EXOC6: variants seen among roughly 807,000 people sequenced by gnomAD.
The protein encoded by EXOC6 is exocyst complex component 6.
A neutral mutation model predicts 112.5 loss-of-function variants in EXOC6; 60 were observed. The observed-to-expected ratio is 0.53, with a 90% CI of 0.43 to 0.66. The LOEUF (loss-of-function observed/expected upper bound fraction) is 0.66, where lower values mean the gene tolerates loss of function less well. Among genes scored for constraint, EXOC6 ranks in the 30% least tolerant of loss-of-function variants. The probability of loss-of-function intolerance (pLI) is 0.00; values close to 1 mark genes in which losing one functional copy is unlikely to be tolerated. For synonymous variants in EXOC6, 295 were observed against 308.0 expected (o/e 0.96, Z 0.44); for missense variants, 855 against 957.1 (o/e 0.89, Z 1.41).
At chr10:92,967,675 T>C (rs1589934531) in intron 17 of EXOC6, among the ~76,000 whole-genome samples, 1 of 152,198 alleles carries the variant, frequency 6.6e-6, no homozygotes, top group East Asian at 1.9e-4. Context: ...ATTAGAGGCA[T>C]CCCAAAAAAG....
chr10:92,989,427 T>A (rs1025972435), intron 18 of EXOC6, among the ~76,000 whole-genome samples: 2 of 152,198 alleles, frequency 1.3e-5, no homozygotes, highest in African/African-American at 2.4e-5. Context: ...CAGTACTGAT[T>A]AGAAATATTT....
intron 18 of EXOC6, among the ~76,000 whole-genome samples, chr10:92,979,626 T>C (rs11187233): frequency 0.016 from 2,506 of 152,070 alleles, 43 homozygotes; most frequent in East Asian, 0.067. Context: ...GTTAGATGAG[T>C]GAGAGAATTG....
chr10:92,963,410 G>A (rs896613838), intron 17 of EXOC6, among the ~76,000 whole-genome samples: 21 of 152,028 alleles, frequency 1.4e-4, no homozygotes, highest in Admixed American at 2.6e-4. Flanking sequence ...AACTCTTACA[G>A]TAACCTACCT....
intron 1 of EXOC6, among the ~76,000 whole-genome samples, chr10:92,868,896 C>T (rs1000640024): frequency 2.0e-5 from 3 of 149,224 alleles, no homozygotes; most frequent in Admixed American, 6.7e-5. Flanking sequence ...CACCTTGTAG[C>T]CTCAACCTCC....
intron 2 of EXOC6, among the ~76,000 whole-genome samples, chr10:92,894,196 C>T (rs1759718817): frequency 6.6e-6 from 1 of 152,184 alleles, no homozygotes; most frequent in African/African-American, 2.4e-5. Flanking sequence ...AATGAGGTCA[C>T]TGAGCATCTT....
chr10:92,882,423 A>G (rs1340321056), intron 1 of EXOC6, among the ~76,000 whole-genome samples: 1 of 152,000 alleles, frequency 6.6e-6, no homozygotes, highest in Non-Finnish European at 1.5e-5. Flanking sequence ...AGGTGCCTGT[A>G]ATCCCAGCTA....
intron 20 of EXOC6, among the ~76,000 whole-genome samples, chr10:93,039,175 A>G (rs1332667269): frequency 2.0e-5 from 3 of 152,188 alleles, no homozygotes; most frequent in Non-Finnish European, 2.9e-5. Context: ...GATATTGCTG[A>G]AGGTATTTTT....
At chr10:93,026,241 C>T (rs937389646) in intron 20 of EXOC6, among the ~76,000 whole-genome samples, 14 of 152,084 alleles carry the variant, frequency 9.2e-5, no homozygotes, top group African/African-American at 2.9e-4. Flanking sequence ...CACACATTTC[C>T]GTTTGAGTGT....
At chr10:92,959,946 T>C (rs917487297) in intron 17 of EXOC6, among the ~76,000 whole-genome samples, 1 of 152,210 alleles carries the variant, frequency 6.6e-6, no homozygotes, top group Non-Finnish European at 1.5e-5. Flanking sequence ...TGGAAGACCA[T>C]TTGGCAGCTT....
rs35262709 is a variant in EXOC6, at chr10:92,966,281, AATTATT to A, written c.1774-7748_1774-7743del. ...CGTGGTCTAGAAAGCATGTAATTAT[AATTATT>A]ATTATTATTATTATTATTATTATAC... On this transcript the variant is annotated intron_variant, in intron 17 of 21. Coordinates refer to ENST00000260762, the MANE Select transcript of EXOC6 (RefSeq NM_019053.6). Among the ~76,000 whole-genome samples, 171 of 134,934 alleles carry A rather than the reference AATTATT, an allele frequency of 1.3e-3. 1 individual carries two copies. Among genetic ancestry groups the A allele is most frequent in the African/African-American group, 4.4e-3 (147 of 33,598 alleles). The allele number at this position is 134,934 out of a possible 152,430, so 88.5% of individuals were successfully genotyped here.
intron 18 of EXOC6, among the ~76,000 whole-genome samples, chr10:92,983,663 C>T (rs147464882): frequency 2.0e-5 from 3 of 151,974 alleles, no homozygotes; most frequent in African/African-American, 7.2e-5. Context: ...TGCGCCACCA[C>T]GCCCTACTAA....
intron 18 of EXOC6, among the ~76,000 whole-genome samples, chr10:92,975,455 G>A (rs1354368040): frequency 6.8e-6 from 1 of 147,976 alleles, no homozygotes; most frequent in Non-Finnish European, 1.5e-5. Context: ...CCCGGCAGCC[G>A]CCCCGTCCGG....
intron 1 of EXOC6, among the ~76,000 whole-genome samples, chr10:92,862,442 G>A (rs900112776): frequency 2.0e-5 from 3 of 152,020 alleles, no homozygotes; most frequent in Non-Finnish European, 2.9e-5. Context: ...GAATGGGACC[G>A]GTAGTAGTCT....
chr10:92,940,911 T>C (rs1326930448), intron 13 of EXOC6, 87 bp downstream of exon 13: 1 of 863,910 alleles, frequency 1.2e-6, no homozygotes, highest in East Asian at 2.6e-5. Context: ...TAAAAATGCT[T>C]ATAATCATTT....
At chr10:93,011,007 T>C (rs1844214798) in intron 19 of EXOC6, among the ~76,000 whole-genome samples, 1 of 152,218 alleles carries the variant, frequency 6.6e-6, no homozygotes, top group African/African-American at 2.4e-5. Flanking sequence ...AGATTATTTT[T>C]AATGTAGAAA....
intron 20 of EXOC6, among the ~76,000 whole-genome samples, chr10:93,042,310 C>T (rs1036813687): frequency 2.6e-5 from 4 of 152,164 alleles, no homozygotes; most frequent in African/African-American, 9.7e-5. Flanking sequence ...CTACTTCCCA[C>T]CCCCTAAGCA....
intron 9 of EXOC6, among the ~76,000 whole-genome samples, chr10:92,933,676 G>A (rs372486903): frequency 2.6e-5 from 4 of 152,234 alleles, no homozygotes; most frequent in South Asian, 4.1e-4. Flanking sequence ...TATATGCCTT[G>A]TTAAAATTAT....
chr10:92,905,812 G>A (rs569702834), intron 5 of EXOC6, among the ~76,000 whole-genome samples: 2 of 152,148 alleles, frequency 1.3e-5, no homozygotes, highest in East Asian at 3.9e-4. Context: ...TATGTATTTT[G>A]TAGTTGTTGG....
upstream of EXOC6, among the ~76,000 whole-genome samples, chr10:92,845,871 G>A (rs1279537584): frequency 1.3e-5 from 2 of 152,210 alleles, no homozygotes; most frequent in African/African-American, 4.8e-5. Context: ...CCAGGAGGCG[G>A]AGGTTGCAGT....
Sources: gnomAD v4.1 joint callset for allele counts (sites outside exome capture counted in the v4.1 genomes callset) on GRCh38, gnomAD v4.1.1 for gene constraint, MANE v1.5 for transcripts, NCBI Gene and HGNC (gene_info 2026-07-23, HGNC 2026-07-21) for gene names.